The following TTC27 variants were observed in gnomAD, a reference collection of about 807,000 sequenced individuals.
TTC27 encodes tetratricopeptide repeat domain 27.
Under a neutral mutation model 115.9 loss-of-function variants are expected in TTC27, and 79 were observed. That is an observed-to-expected ratio of 0.68 (90% CI 0.57 to 0.82). The LOEUF (loss-of-function observed/expected upper bound fraction) is 0.82. TTC27 is among the 40% of genes least tolerant of loss of function. The probability of loss-of-function intolerance (pLI) is 0.00; values close to 1 mark genes in which losing one functional copy is unlikely to be tolerated. For missense variants in TTC27, 1,054 were observed against 993.1 expected (o/e 1.06, Z -0.82); for synonymous variants, 401 against 356.0 (o/e 1.13, Z -1.42).
Position 32,812,635 on chromosome 2 carries a change from AT to A in TTC27, c.2308+21del. On this transcript the variant is annotated intron_variant, in intron 18 of 19. Coordinates refer to ENST00000317907, the MANE Select transcript of TTC27 (RefSeq NM_017735.5). ...CACATGGTATTTGATGTAACATTTG[AT>A]ATCCATGGAATGTTTTGACTTATTT... The A allele has an allele frequency of 6.4e-7, 1 of 1,560,266 alleles. No individual in the cohort carries two copies. Among genetic ancestry groups the A allele is most frequent in the African/African-American group, 1.4e-5 (1 of 73,984 alleles).
chr2:32,798,713 A>AATAATAAT (rs1553321532), intron 16 of TTC27, among the ~76,000 whole-genome samples: 16 of 142,354 alleles, frequency 1.1e-4, no homozygotes, highest in African/African-American at 4.1e-4. Flanking sequence ...TCAAAAAAAA[A>AATAATAAT]AATAATAATA....
In TTC27 at chr2:32,656,956, TA is replaced by T. The variant is rs543820935; in HGVS notation, c.640+6726del. ...CCCATTTTTAGGGAAGAATAGGACT[TA>T]AACCTTGCAGTAAGATCTAGCACAA... On this transcript the variant is annotated intron_variant, in intron 5 of 19. Transcript: ENST00000317907. 2.4e-3 allele frequency among the ~76,000 whole-genome samples: 370 copies of T among 152,092 alleles called. 5 individuals carry two copies. Among genetic ancestry groups the T allele is most frequent in the African/African-American group, 8.7e-3 (362 of 41,500 alleles).
At position 32,628,366 on chromosome 2, in the gene TTC27, G is replaced by A. The variant is rs767342752; in HGVS notation, c.74G>A (p.Gly25Glu). ...GAGCGGCAGCAATGGAAACAGGAGG[G>A]GGTCGTCGGTTCAGGTGAGAGGCGC... The part of the protein sequence containing the change: ...EAERQQWKQE[G>E]VVGSESGSFL... The change falls in exon 1 of 20, where the codon GGG becomes GAG. Residue 25 changes from glycine (G) to glutamate (E), a missense_variant. By Grantham distance (98) the Gly-to-Glu change is moderately conservative. Coordinates refer to ENST00000317907, the MANE Select transcript of TTC27 (RefSeq NM_017735.5). The A allele has an allele frequency of 2.5e-6, 4 of 1,604,126 alleles. No homozygotes were observed. Among genetic ancestry groups the A allele is most frequent in the African/African-American group, 1.3e-5 (1 of 74,856 alleles).
chr2:32,749,526 T>C (rs1371925811), intron 12 of TTC27, among the ~76,000 whole-genome samples: 1 of 152,234 alleles, frequency 6.6e-6, no homozygotes, highest in East Asian at 1.9e-4. Flanking sequence ...CTTCCTGTAT[T>C]ATTGCAAGTC....
intron 16 of TTC27, among the ~76,000 whole-genome samples, chr2:32,802,211 A>G (rs1385521645): frequency 6.6e-6 from 1 of 152,216 alleles, no homozygotes; most frequent in African/African-American, 2.4e-5. Flanking sequence ...GCTTATAAAC[A>G]TCATGGATTA....
intron 7 of TTC27, among the ~76,000 whole-genome samples, chr2:32,669,504 C>A (rs1665927799): frequency 6.6e-6 from 1 of 152,094 alleles, no homozygotes; most frequent in South Asian, 2.1e-4. Context: ...GTAATATACA[C>A]CATCTGTTTA....
chr2:32,810,900 A>T lies in TTC27; in HGVS notation c.1999-124A>T, dbSNP rs778134020. The T allele has an allele frequency of 4.4e-4, 470 of 1,062,260 alleles. 1 individual carries two copies. The highest frequency in any genetic ancestry group is 1.3e-4 in the Non-Finnish European group (96 of 728,658). The allele number at this position is 1,062,260 out of a possible 1,614,324, so 65.8% of individuals were successfully genotyped here. ...TTTGCTTTTCAAAAGCTTAAAGGTG[A>T]TACTCTTAACAAGTTTCATAAGGTT... On this transcript the variant is annotated intron_variant, in intron 16 of 19. Coordinates refer to ENST00000317907, the MANE Select transcript of TTC27 (RefSeq NM_017735.5).
At chr2:32,778,850 A>G (rs1405401922) in intron 14 of TTC27, among the ~76,000 whole-genome samples, 1 of 152,196 alleles carries the variant, frequency 6.6e-6, no homozygotes, top group East Asian at 1.9e-4. Flanking sequence ...TCTCTTGGTT[A>G]TATACCCAGT....
At chr2:32,768,532 A>G (rs1211899018) in intron 13 of TTC27, among the ~76,000 whole-genome samples, 3 of 152,248 alleles carry the variant, frequency 2.0e-5, no homozygotes, top group Admixed American at 2.0e-4. Flanking sequence ...AACAGAGAAC[A>G]GAGAGTTTCT....
At chr2:32,783,596 T>G (rs1164638656) in intron 15 of TTC27, among the ~76,000 whole-genome samples, 1 of 152,216 alleles carries the variant, frequency 6.6e-6, no homozygotes, top group Admixed American at 6.5e-5. Context: ...AAGAAGCTTT[T>G]GGGGAAGATT....
At chr2:32,636,163 A>G (rs1187289792) in intron 3 of TTC27, among the ~76,000 whole-genome samples, 1 of 152,236 alleles carries the variant, frequency 6.6e-6, no homozygotes, top group Non-Finnish European at 1.5e-5. Context: ...AGCCAAAGCC[A>G]TAAATATCTC....
chr2:32,752,861 T>G (rs1482048928), intron 12 of TTC27, among the ~76,000 whole-genome samples: 1 of 152,214 alleles, frequency 6.6e-6, no homozygotes, highest in Non-Finnish European at 1.5e-5. Context: ...CTTCTGCTCC[T>G]GGCCAGGATG....
chr2:32,736,049 A>G (rs1231126966), intron 11 of TTC27, among the ~76,000 whole-genome samples: 8 of 152,140 alleles, frequency 5.3e-5, no homozygotes, highest in Non-Finnish European at 8.8e-5. Context: ...GACCTTACCT[A>G]CTTTTTTAAA....
At chr2:32,818,055 T>TC (rs1182035484) in intron 19 of TTC27, among the ~76,000 whole-genome samples, 1 of 149,358 alleles carries the variant, frequency 6.7e-6, no homozygotes, top group Non-Finnish European at 1.5e-5. Context: ...AGATACCATG[T>TC]CCCAAAAAAA....
intron 12 of TTC27, among the ~76,000 whole-genome samples, chr2:32,746,189 A>G (rs1181526305): frequency 6.6e-6 from 1 of 152,128 alleles, no homozygotes; most frequent in Non-Finnish European, 1.5e-5. Context: ...GCCCATTTAA[A>G]TATGTTTTTT....
rs531777046 is a variant in TTC27 at position 32,727,866 on chromosome 2, G to A, written c.1234-5962G>A. On this transcript the variant is annotated intron_variant, in intron 10 of 19. Transcript: ENST00000317907. ...ATTTTCCTGTTTTTATTTCTAATAT[G>A]ATAAATATTGATGGATTATAACTTA... Among the ~76,000 whole-genome samples the A allele has an allele frequency of 2.6e-5, 4 of 151,938 alleles. No homozygotes were observed. In the East Asian group the frequency reaches 7.7e-4, roughly 29 times the overall value.
intron 16 of TTC27, among the ~76,000 whole-genome samples, chr2:32,800,442 A>G (rs954397066): frequency 1.3e-5 from 2 of 151,604 alleles, no homozygotes; most frequent in African/African-American, 4.9e-5. Context: ...TGGCCTCCCA[A>G]AGTGCTGGGA....
chr2:32,715,607 A>G (rs143580221), intron 10 of TTC27, among the ~76,000 whole-genome samples: 18 of 152,290 alleles, frequency 1.2e-4, no homozygotes, highest in Admixed American at 1.2e-3. Flanking sequence ...GGAGGGAGGA[A>G]GACCCAAAAT....
chr2:32,711,946 A>T (rs1441459210), intron 10 of TTC27, among the ~76,000 whole-genome samples: 1 of 146,094 alleles, frequency 6.8e-6, no homozygotes, highest in Non-Finnish European at 1.5e-5. Context: ...CTCAAAAAGA[A>T]AAAAAAAAGA....
Sources: gnomAD v4.1 joint callset for allele counts (sites outside exome capture counted in the v4.1 genomes callset) on GRCh38, gnomAD v4.1.1 for gene constraint, MANE v1.5 for transcripts, NCBI Gene and HGNC (gene_info 2026-07-23, HGNC 2026-07-21) for gene names.